Variants in ZC3H11A observed in about 807,000 individuals in gnomAD.
The protein encoded by ZC3H11A is zinc finger CCCH domain-containing protein 11A.
Under a neutral mutation model 90.8 loss-of-function variants are expected in ZC3H11A, and 22 were observed. The ratio of observed to expected loss-of-function variants is 0.24; its 90% CI spans 0.17 to 0.35. ZC3H11A has a LOEUF of 0.35. ZC3H11A is among the 10% of genes least tolerant of loss of function. The pLI is 1.00. For missense variants in ZC3H11A, 701 were observed against 964.9 expected (o/e 0.73, Z 3.62); for synonymous variants, 294 against 339.8 (o/e 0.87, Z 1.48).
chr1:203,817,900 C>T (rs11577532), intron 3 of ZC3H11A, among the ~76,000 whole-genome samples: 26,751 of 151,956 alleles, frequency 0.18, 2,645 homozygotes, highest in Middle Eastern at 0.25. Flanking sequence ...TTTCTGGCGC[C>T]TGCCACCACA....
At chr1:203,835,619 TCCAATAGCATTAGCAGGAAGATTG>T (rs148267201) in intron 10 of ZC3H11A, 21,792 of 200,620 alleles carry the variant, frequency 0.11, 1,665 homozygotes, top group Non-Finnish European at 0.14. Context: ...AGATTCTGTG[TCCAATAGCATTAGCAGGAAGATTG>T]CTTTGGAATT....
intron 4 of ZC3H11A, among the ~76,000 whole-genome samples, chr1:203,820,951 C>T (rs116315504): frequency 0.021 from 3,261 of 151,916 alleles, 49 homozygotes; most frequent in Middle Eastern, 0.034. Context: ...GACCCTTTAC[C>T]CCGTTTCTCA....
At chr1:203,807,842 A>G (rs1303796681) in intron 2 of ZC3H11A, among the ~76,000 whole-genome samples, 1 of 152,108 alleles carries the variant, frequency 6.6e-6, no homozygotes, top group East Asian at 1.9e-4. Flanking sequence ...CTTGGGCTCA[A>G]GCAATCCTTC....
intron 12 of ZC3H11A, among the ~76,000 whole-genome samples, chr1:203,843,608 CATATGCATATGTATGCA>C (rs1279748612): frequency 6.6e-6 from 1 of 152,168 alleles, no homozygotes. Flanking sequence ...TGAAAGCAGC[CATATGCATATGTATGCA>C]ATATGTAAAT....
At chr1:203,796,538 C>A (rs1241732777) in intron 1 of ZC3H11A, 5 of 398,748 alleles carry the variant, frequency 1.3e-5, no homozygotes, top group African/African-American at 1.0e-4. Flanking sequence ...TTGACATCTT[C>A]CAGGCCTTGG....
chr1:203,833,319 C>G (rs558867387), intron 9 of ZC3H11A, among the ~76,000 whole-genome samples: 2 of 141,412 alleles, frequency 1.4e-5, no homozygotes, highest in Admixed American at 1.5e-4. Flanking sequence ...GAGCCGAGAT[C>G]GGGCCACTGC....
At chr1:203,834,232 T>A in intron 10 of ZC3H11A, 1 of 292,106 alleles carries the variant, frequency 3.4e-6, no homozygotes, top group Non-Finnish European at 5.1e-6. Context: ...AAAGTATGTA[T>A]ATATAAAATT....
intron 12 of ZC3H11A, among the ~76,000 whole-genome samples, chr1:203,846,093 C>T (rs1687809401): frequency 1.2e-5 from 1 of 86,408 alleles, no homozygotes; most frequent in South Asian, 4.0e-4. Flanking sequence ...GCCTGGGCCA[C>T]ATAACAAGAC....
chr1:203,846,467 T>C (rs1000893330), intron 12 of ZC3H11A, among the ~76,000 whole-genome samples: 2 of 152,210 alleles, frequency 1.3e-5, no homozygotes, highest in African/African-American at 4.8e-5. Context: ...ATCATTTCCT[T>C]GTAGACAAGT....
chr1:203,833,646 G>C, intron 9 of ZC3H11A, 145 bp from the exon 10 acceptor site: 1 of 319,754 alleles, frequency 3.1e-6, no homozygotes, highest in Non-Finnish European at 5.2e-6. Context: ...TGATATAATG[G>C]CCTTCCTTAA....
intron 3 of ZC3H11A, 67 bp downstream of exon 3, chr1:203,817,191 C>A: frequency 7.3e-7 from 1 of 1,363,428 alleles, no homozygotes; most frequent in Non-Finnish European, 1.0e-6. Flanking sequence ...TAAGATTTTC[C>A]CAACATTTTA....
chr1:203,829,172 G>C (rs1298445451), intron 5 of ZC3H11A: 1 of 446,736 alleles, frequency 2.2e-6, no homozygotes, highest in African/African-American at 2.0e-5. Context: ...TAAAATTAAA[G>C]GTCTAGAATT....
intron 5 of ZC3H11A, 63 bp from the exon 6 acceptor site, chr1:203,829,388 A>T (rs1434578621): frequency 1.3e-6 from 2 of 1,560,690 alleles, no homozygotes; most frequent in Non-Finnish European, 1.8e-6. Context: ...GGTGGTCAGG[A>T]ATTTTTGGTA....
At chr1:203,827,939 A>G (rs1432006499) in intron 4 of ZC3H11A, among the ~76,000 whole-genome samples, 1 of 152,250 alleles carries the variant, frequency 6.6e-6, no homozygotes, top group African/African-American at 2.4e-5. Context: ...AGAGGCATGA[A>G]TTATCCAAGG....
intron 12 of ZC3H11A, among the ~76,000 whole-genome samples, chr1:203,842,200 CG>C (rs1686568821): frequency 6.6e-6 from 1 of 152,028 alleles, no homozygotes; most frequent in South Asian, 2.1e-4. Context: ...GACGGGGTGG[CG>C]GCCGGGCAGA....
At chr1:203,804,689 T>C (rs1359442399) in intron 2 of ZC3H11A, among the ~76,000 whole-genome samples, 1 of 145,444 alleles carries the variant, frequency 6.9e-6, no homozygotes, top group Non-Finnish European at 1.5e-5. Flanking sequence ...TTTTTTTTTT[T>C]GATATGGAGT....
intron 12 of ZC3H11A, among the ~76,000 whole-genome samples, chr1:203,841,849 G>A (rs1224848824): frequency 7.3e-5 from 11 of 151,124 alleles, no homozygotes; most frequent in East Asian, 6.0e-4. Flanking sequence ...CAGACGGGGC[G>A]GCTGCCGGGC....
Position 203,828,293 on chromosome 1 carries a change from T to C in ZC3H11A, c.175-6T>C. 6.2e-7 allele frequency: 1 copy of C among 1,614,042 alleles called. No individual in the cohort carries two copies. Among genetic ancestry groups the C allele is most frequent in the South Asian group, 1.1e-5 (1 of 91,054 alleles). ...TTTGAAAGCAATGTGTTTTTCCCTC[T>C]TACAGAAAAAACGCAGTGAAATTCC... On this transcript the variant is annotated splice_polypyrimidine_tract_variant and splice_region_variant and intron_variant, in intron 4 of 17. Coordinates refer to ENST00000367210, the MANE Select transcript of ZC3H11A (RefSeq NM_001376342.1).
At position 203,797,243 on chromosome 1, in the gene ZC3H11A, C is replaced by CTTAA. The variant is rs544762130; in HGVS notation, c.-1588+1452_-1588+1453insATTA. ...GACTCTGGGAAAGGGGGACTCAGTTCTTACTTCTGTAACATGAGGACACTG... is the reference window on the plus strand; with the variant it reads ...GACTCTGGGAAAGGGGGACTCAGTTCTTAATTACTTCTGTAACATGAGGACACTG... On this transcript the variant is annotated intron_variant, in intron 1 of 17. Coordinates refer to ENST00000367210, the MANE Select transcript of ZC3H11A (RefSeq NM_001376342.1). 106 of 220,710 alleles carry CTTAA rather than the reference C, an allele frequency of 4.8e-4. 2 individuals are homozygous for CTTAA. In the South Asian group the frequency reaches 7.9e-3, roughly 16 times the overall value. 13.7% of individuals were successfully genotyped at this position (220,710 alleles called of 1,614,324 possible).
Sources: allele counts gnomAD v4.1 joint callset (sites outside exome capture counted in the v4.1 genomes callset), GRCh38; gene constraint gnomAD v4.1.1; transcripts MANE v1.5; gene names NCBI Gene and HGNC (gene_info 2026-07-23, HGNC 2026-07-21).